Variants in WWP1 observed in about 807,000 individuals in gnomAD.
WWP1 encodes NEDD4-like E3 ubiquitin-protein ligase WWP1.
In WWP1, 49 loss-of-function variants were observed where a neutral mutation model predicts 130.6. The ratio of observed to expected loss-of-function variants is 0.38; its 90% CI spans 0.30 to 0.48. The LOEUF (loss-of-function observed/expected upper bound fraction) is 0.48. Among genes scored for constraint, WWP1 ranks in the 20% least tolerant of loss-of-function variants. The pLI is 0.99. For synonymous variants in WWP1, 332 were observed against 367.8 expected, an observed-to-expected ratio of 0.90 and a Z score of 1.11; for missense variants, 809 against 1,100.6, an observed-to-expected ratio of 0.74 and a Z score of 3.75.
intron 24 of WWP1, 147 bp from the exon 25 acceptor site, chr8:86,466,647 T>G (rs1812173683): frequency 2.4e-6 from 1 of 420,132 alleles, no homozygotes; most frequent in Admixed American, 4.5e-5. Flanking sequence ...AGTCTTAAAT[T>G]TAGATTACTC....
At chr8:86,440,555 T>A (rs1367389968) in intron 17 of WWP1, 3 of 361,888 alleles carry the variant, frequency 8.3e-6, no homozygotes, top group African/African-American at 6.5e-5. Context: ...ATTTTTCCTC[T>A]GGGTGCCCAC....
chr8:86,463,309 G>T (rs1296045250), intron 24 of WWP1, among the ~76,000 whole-genome samples: 2 of 151,872 alleles, frequency 1.3e-5, no homozygotes, highest in East Asian at 1.9e-4. Flanking sequence ...TTTTTTGTTT[G>T]TTTTTTTGTT....
intron 22 of WWP1, among the ~76,000 whole-genome samples, chr8:86,459,297 A>T (rs190000007): frequency 3.7e-4 from 56 of 152,008 alleles, no homozygotes; most frequent in African/African-American, 1.2e-3. Context: ...TGGCCTCCTG[A>T]AGTGCTGGGA....
intron 8 of WWP1, among the ~76,000 whole-genome samples, chr8:86,407,009 AT>A (rs1272155395): frequency 7.2e-5 from 11 of 152,220 alleles, no homozygotes; most frequent in African/African-American, 2.7e-4. Flanking sequence ...CCTCTCAAAG[AT>A]TAAACATGAA....
intron 9 of WWP1, among the ~76,000 whole-genome samples, chr8:86,412,617 T>C (rs987639887): frequency 6.6e-6 from 1 of 152,106 alleles, no homozygotes; most frequent in Admixed American, 6.5e-5. Context: ...TCAACTGTTG[T>C]AGCTATTGAA....
At chr8:86,466,455 G>A (rs1812145326) in intron 24 of WWP1, among the ~76,000 whole-genome samples, 1 of 151,720 alleles carries the variant, frequency 6.6e-6, no homozygotes, top group African/African-American at 2.4e-5. Flanking sequence ...GTGACTGAGT[G>A]GATGAAAGAA....
At chr8:86,409,327 G>A (rs1430092866) in intron 8 of WWP1, among the ~76,000 whole-genome samples, 7 of 141,030 alleles carry the variant, frequency 5.0e-5, no homozygotes, top group African/African-American at 1.8e-4. Flanking sequence ...TCTACCTCCC[G>A]GATTCAAGCA....
chr8:86,358,682 A>G (rs1395311655), intron 1 of WWP1, among the ~76,000 whole-genome samples: 3 of 151,296 alleles, frequency 2.0e-5, no homozygotes, highest in Admixed American at 1.3e-4. Context: ...ATATAATTCT[A>G]TTTTTTTGTA....
At chr8:86,400,375 G>T (rs557395599) in intron 7 of WWP1, among the ~76,000 whole-genome samples, 3 of 152,120 alleles carry the variant, frequency 2.0e-5, no homozygotes, top group African/African-American at 4.8e-5. Flanking sequence ...AACAACAGAA[G>T]ACATAAATAT....
rs991083617 is a variant in WWP1, at chr8:86,413,307, C to G, written c.1061+1433C>G. ...ATGTTTGGTAAATTAGTCAATTATC[C>G]TAGTCTCTCATGTGCCAGTCACTGT... On this transcript the variant is annotated intron_variant, in intron 9 of 24. Coordinates refer to ENST00000517970, the MANE Select transcript of WWP1 (RefSeq NM_007013.4). Among the ~76,000 whole-genome samples, 6 of 152,178 alleles carry G rather than the reference C, an allele frequency of 3.9e-5. No individual in the cohort carries two copies. In the South Asian group the frequency reaches 8.3e-4, roughly 21 times the overall value.
intron 9 of WWP1, among the ~76,000 whole-genome samples, chr8:86,423,151 A>G (rs1387203705): frequency 4.0e-5 from 6 of 151,528 alleles, no homozygotes; most frequent in Non-Finnish European, 7.4e-5. Flanking sequence ...ACTAATTAGC[A>G]TAATTATTGT....
chr8:86,459,898 T>C, intron 22 of WWP1, among the ~76,000 whole-genome samples: 1 of 152,254 alleles, frequency 6.6e-6, no homozygotes, highest in Non-Finnish European at 1.5e-5. Context: ...GTGCCAGACC[T>C]GGTAATAAGT....
chr8:86,369,141 G>C (rs1824142610), intron 2 of WWP1, 110 bp downstream of exon 2: 1 of 152,048 alleles, frequency 6.6e-6, no homozygotes, highest in Non-Finnish European at 1.5e-5. Context: ...TAAAAAATAT[G>C]GCTATAGACT....
At chr8:86,457,179 A>G (rs1379898868) in intron 21 of WWP1, among the ~76,000 whole-genome samples, 2 of 152,002 alleles carry the variant, frequency 1.3e-5, no homozygotes, top group African/African-American at 4.8e-5. Flanking sequence ...ATTAAGTATT[A>G]CATATTTTAC....
At chr8:86,393,650 A>G (rs1055809191) in intron 5 of WWP1, among the ~76,000 whole-genome samples, 1 of 152,230 alleles carries the variant, frequency 6.6e-6, no homozygotes, top group Non-Finnish European at 1.5e-5. Context: ...TAGGAATTTT[A>G]GAAAACTTTG....
rs1461181869 is a variant in WWP1, at chr8:86,372,211, A to G, written c.-21-1819A>G. 2.0e-5 allele frequency among the ~76,000 whole-genome samples: 3 copies of G among 150,644 alleles called. No individual in the cohort carries two copies. In the South Asian group the frequency reaches 6.3e-4, roughly 32 times the overall value. The stretch of plus-strand genomic sequence containing the variant: ...GCTAATTTTTGTATTTTTAGTAGAG[A>G]CGGGGTTTCACCGTGTTACCCAGGA... On this transcript the variant is annotated intron_variant, in intron 2 of 24. Coordinates refer to ENST00000517970, the MANE Select transcript of WWP1 (RefSeq NM_007013.4).
At chr8:86,371,466 A>C (rs1479315461) in intron 2 of WWP1, among the ~76,000 whole-genome samples, 1 of 152,206 alleles carries the variant, frequency 6.6e-6, no homozygotes, top group Admixed American at 6.5e-5. Flanking sequence ...GCGGTGTATA[A>C]GAGCCACCAC....
intron 8 of WWP1, among the ~76,000 whole-genome samples, chr8:86,403,327 ACT>A (rs1266695321): frequency 2.0e-5 from 3 of 152,098 alleles, no homozygotes; most frequent in Admixed American, 6.5e-5. Flanking sequence ...ATGGAGTCTC[ACT>A]CTGTTGCCCA....
chr8:86,431,053 AG>A (rs1469046395), intron 12 of WWP1, among the ~76,000 whole-genome samples: 1 of 135,126 alleles, frequency 7.4e-6, no homozygotes, highest in East Asian at 2.0e-4. Context: ...ATATATTATA[AG>A]GGATATATAT....
Sources: gnomAD v4.1 joint callset for allele counts (sites outside exome capture counted in the v4.1 genomes callset) on GRCh38, gnomAD v4.1.1 for gene constraint, MANE v1.5 for transcripts, NCBI Gene and HGNC (gene_info 2026-07-23, HGNC 2026-07-21) for gene names.